Variants in COL5A3 observed in about 807,000 individuals in gnomAD.
COL5A3 encodes collagen type V alpha 3 chain, also known as collagen alpha-3(V) chain.
COL5A3 carries 172 observed loss-of-function variants against 250.0 expected under a neutral mutation model. The ratio of observed to expected loss-of-function variants is 0.69; its 90% CI spans 0.61 to 0.78. COL5A3 has a LOEUF of 0.78. Ranked by LOEUF, COL5A3 falls within the 30% of genes least tolerant of loss-of-function variation. The pLI is 0.00. For missense variants in COL5A3, 2,340 were observed against 2,334.4 expected (o/e 1.00, Z -0.05); for synonymous variants, 937 against 900.4 (o/e 1.04, Z -0.73).
chr19:9,992,543 A>T (rs2087209512), intron 21 of COL5A3, among the ~76,000 whole-genome samples: 1 of 152,114 alleles, frequency 6.6e-6, no homozygotes, highest in South Asian at 2.1e-4. Flanking sequence ...TAATCCCAGC[A>T]CTTTGGGAGG....
chr19:10,009,258 G>A lies in COL5A3; in HGVS notation c.88+1040C>T, dbSNP rs1478712689. On this transcript the variant is annotated intron_variant, in intron 1 of 66. Transcript: ENST00000264828. The surrounding 1 kb of genome is among the most constrained non-coding windows in gnomAD (Gnocchi z 4.4). Reference sequence around the variant, plus strand: ...GATTTCCAGGAGGACCTAGTCTAGGGTCTCTCAGATCAGGGAAGCCCCATC... The same window carrying A: ...GATTTCCAGGAGGACCTAGTCTAGGATCTCTCAGATCAGGGAAGCCCCATC... 6.6e-6 allele frequency among the ~76,000 whole-genome samples: 1 copy of A among 151,296 alleles called. No homozygotes were observed. Among genetic ancestry groups the A allele is most frequent in the African/African-American group, 2.4e-5 (1 of 41,116 alleles).
intron 47 of COL5A3, 26 bp downstream of exon 47, chr19:9,974,145 T>A (rs1342657497): frequency 1.2e-6 from 2 of 1,609,082 alleles, no homozygotes; most frequent in South Asian, 1.1e-5. Context: ...ATCCTCCCCC[T>A]CCCACCTTCC....
Position 9,968,631 on chromosome 19 carries a change from G to A in COL5A3, c.4206+44C>T. 1 of 1,602,040 alleles carries A rather than the reference G, an allele frequency of 6.2e-7. No individual in the cohort carries two copies. The highest frequency in any genetic ancestry group is 1.1e-5 in the South Asian group (1 of 90,402). On this transcript the variant is annotated intron_variant, in intron 58 of 66. Transcript: ENST00000264828. This position sits in a 1 kb window ranked among gnomAD's most constrained non-coding sequence, Gnocchi z 4.1. ...CCCCCCAGCCAGGGAGGGAGGGAAA[G>A]AGGGGAGGAGATGGGGAAGAGAATA...
chr19:10,005,872 C>A lies in COL5A3; in HGVS notation c.361G>T (p.Ala121Ser), dbSNP rs199691548. ...AGGAGACCCAGCGCTGGCCCCAGTG[C>A]CAGGCCCAACTGCCGGGCACCCCTT... ...DERGARQLGLALGPALGLLGD... is the reference protein window; with the variant it reads ...DERGARQLGLSLGPALGLLGD... Residue 121 changes from alanine (A) to serine (S), a missense_variant, in exon 3 of 67, where the codon GCA becomes TCA. Physicochemically the swap from Ala to Ser is moderately conservative, Grantham distance 99. Around this residue, in one of 3 missense-constraint regions of COL5A3, gnomAD observed 1,152 missense variants for 1,146.3 expected, o/e 1.00. Coordinates refer to ENST00000264828, the MANE Select transcript of COL5A3 (RefSeq NM_015719.4). The A allele has an allele frequency of 1.2e-6, 2 of 1,613,732 alleles. No individual in the cohort carries two copies. Among genetic ancestry groups the A allele is most frequent in the Non-Finnish European group, 1.7e-6 (2 of 1,180,004 alleles).
At position 9,980,854 on chromosome 19, in the gene COL5A3, G is replaced by A. The variant is rs373585762; in HGVS notation, c.2511C>T (p.Ser837=). ...CACCCGGTTGCCCCCTCTCTCCACG[G>A]GAACCCTGAACAAAAAAAAAAGGCA... ...GLEGERGPPG[S]RGERGQPGAT... is the part of the protein sequence containing the mutation. Residue 837 remains serine (S), a synonymous_variant, in exon 34 of 67, where the codon TCC becomes TCT. Transcript: ENST00000264828. The A allele has an allele frequency of 3.1e-6, 5 of 1,609,808 alleles. No homozygotes were observed. The African/African-American group carries it at 6.7e-5, about 22-fold the overall frequency.
intron 57 of COL5A3, among the ~76,000 whole-genome samples, chr19:9,969,108 G>A (rs537913516): frequency 2.2e-4 from 34 of 152,108 alleles, no homozygotes; most frequent in African/African-American, 7.0e-4. Flanking sequence ...TCAGAGCAGG[G>A]GGTTATAGAG....
Position 9,995,635 on chromosome 19 carries a change from G to A in COL5A3, c.1534-18C>T, listed in dbSNP as rs201828252. 1.0e-3 allele frequency: 1,630 copies of A among 1,557,544 alleles called. No homozygotes were observed. The highest frequency in any genetic ancestry group is 1.3e-3 in the Non-Finnish European group (1,499 of 1,150,224). ...CGGGGACCCTAGAAGAAAGCAAAAA[G>A]GAGGAAGGAAAGGAAAATAAGAAGA... is the stretch of plus-strand genomic sequence containing the variant. On this transcript the variant is annotated intron_variant, in intron 15 of 66. Coordinates refer to ENST00000264828, the MANE Select transcript of COL5A3 (RefSeq NM_015719.4).
At chr19:10,000,875 A>C (rs2087350399) in intron 8 of COL5A3, among the ~76,000 whole-genome samples, 1 of 152,166 alleles carries the variant, frequency 6.6e-6, no homozygotes, top group African/African-American at 2.4e-5. Flanking sequence ...CTCACTTATA[A>C]GTGGGAGCTA....
chr19:9,978,789 C>A, intron 40 of COL5A3, 102 bp downstream of exon 40: 1 of 1,017,948 alleles, frequency 9.8e-7, no homozygotes, highest in East Asian at 3.0e-5. Flanking sequence ...TTTTTGCTTT[C>A]ATCATTTCCC....
In COL5A3 at chr19:9,961,720, G is replaced by A. The variant is rs538996159; in HGVS notation, c.4852-830C>T. Among the ~76,000 whole-genome samples, 11 of 151,750 alleles carry A rather than the reference G, an allele frequency of 7.2e-5. No individual in the cohort carries two copies. The East Asian group carries it at 9.7e-4, about 13-fold the overall frequency. ...ACTACGGGCGCCTGCCACCACGCCC[G>A]GCTAATTTTTTGTATTTTTAGTAGA... On this transcript the variant is annotated intron_variant, in intron 65 of 66. Transcript: ENST00000264828.
chr19:10,004,222 A>T, intron 4 of COL5A3, 77 bp from the exon 5 acceptor site: 2 of 1,023,544 alleles, frequency 2.0e-6, no homozygotes, highest in South Asian at 2.7e-5. Flanking sequence ...AACCCCCAGC[A>T]GTCCTGCCCA....
At chr19:9,981,650 C>T (rs2064909630) in intron 32 of COL5A3, among the ~76,000 whole-genome samples, 1 of 152,202 alleles carries the variant, frequency 6.6e-6, no homozygotes. Flanking sequence ...ACAATACATG[C>T]ATGTATACCC....
chr19:9,985,345 C>A (rs2145105891), intron 31 of COL5A3, among the ~76,000 whole-genome samples: 1 of 151,070 alleles, frequency 6.6e-6, no homozygotes, highest in East Asian at 1.9e-4. Flanking sequence ...ACCACAACCT[C>A]TGCCTCCTGG....
In COL5A3 at chr19:10,005,834, G is replaced by A. The variant is rs756018114; in HGVS notation, c.399C>T (p.Phe133=). Residue 133 remains phenylalanine (F), a synonymous_variant, in exon 3 of 67, where the codon TTC becomes TTT. Transcript: ENST00000264828. ...GPALGLLGDP[F]RPLPQQVNLT... Reference sequence around the variant, plus strand: ...GGTTGACCTGCTGGGGGAGGGGGCGGAAGGGGTCACCTAGGAGACCCAGCG... The same window carrying A: ...GGTTGACCTGCTGGGGGAGGGGGCGAAAGGGGTCACCTAGGAGACCCAGCG... The A allele has an allele frequency of 1.9e-6, 3 of 1,613,240 alleles. No homozygotes were observed. Among genetic ancestry groups the A allele is most frequent in the South Asian group, 1.1e-5 (1 of 91,038 alleles).
At chr19:9,965,733 C>T (rs767540659) in intron 64 of COL5A3, among the ~76,000 whole-genome samples, 1 of 151,916 alleles carries the variant, frequency 6.6e-6, no homozygotes, top group African/African-American at 2.4e-5. Context: ...GGATTACAGG[C>T]GTGAGCTACC....
At chr19:9,993,999 G>C (rs1361422302) in intron 16 of COL5A3, among the ~76,000 whole-genome samples, 193 bp from the exon 17 acceptor site, 2 of 151,778 alleles carry the variant, frequency 1.3e-5, no homozygotes, top group African/African-American at 4.8e-5. Flanking sequence ...GGGACCACAG[G>C]TGCATGCCAC....
intron 27 of COL5A3, among the ~76,000 whole-genome samples, chr19:9,988,866 A>AGAAAGAAC (rs2087145183): frequency 7.0e-6 from 1 of 142,220 alleles, no homozygotes; most frequent in African/African-American, 2.6e-5. Context: ...AAAGAAAGTA[A>AGAAAGAAC]AGAAAAGAAA....
intron 41 of COL5A3, among the ~76,000 whole-genome samples, chr19:9,978,185 T>C (rs1426737926): frequency 6.6e-6 from 1 of 151,964 alleles, no homozygotes; most frequent in African/African-American, 2.4e-5. Flanking sequence ...ATGAGGTTTG[T>C]GATCATACAT....
At chr19:10,000,017 C>A (rs1278355202) in intron 8 of COL5A3, among the ~76,000 whole-genome samples, 2 of 152,132 alleles carry the variant, frequency 1.3e-5, no homozygotes, top group Non-Finnish European at 2.9e-5. Flanking sequence ...CTCAACCTAC[C>A]AAATTGCTGA....
Sources: allele counts gnomAD v4.1 joint callset (sites outside exome capture counted in the v4.1 genomes callset), GRCh38; gene constraint gnomAD v4.1.1; regional missense constraint gnomAD v4.1.1; non-coding constraint Gnocchi (gnomAD v3.1); transcripts MANE v1.5; gene names NCBI Gene and HGNC (gene_info 2026-07-23, HGNC 2026-07-21).